The following PTPRN2 variants were observed in gnomAD, a reference collection of about 807,000 sequenced individuals.
The protein encoded by PTPRN2 is receptor-type tyrosine-protein phosphatase N2.
In PTPRN2, 74 loss-of-function variants were observed where a neutral mutation model predicts 118.8. That is an observed-to-expected ratio of 0.62 (90% confidence interval 0.52 to 0.76). The LOEUF (loss-of-function observed/expected upper bound fraction) is 0.76. Among genes scored for constraint, PTPRN2 ranks in the 30% least tolerant of loss-of-function variants. PTPRN2 has a pLI of 0.00. For missense variants in PTPRN2, 1,481 were observed against 1,394.4 expected (o/e 1.06, Z -0.99); for synonymous variants, 641 against 608.0 (o/e 1.05, Z -0.80).
chr7:157,925,976 T>G (rs1798961602), intron 11 of PTPRN2, among the ~76,000 whole-genome samples: 1 of 151,436 alleles, frequency 6.6e-6, no homozygotes, highest in South Asian at 2.1e-4. Flanking sequence ...TTTTATGGTT[T>G]TGTTATCATT....
Position 157,780,268 on chromosome 7 carries a change from C to G in PTPRN2, c.1789-97331G>C, listed in dbSNP as rs1271391359. 6.6e-6 allele frequency among the ~76,000 whole-genome samples: 1 copy of G among 152,198 alleles called. No homozygotes were observed. The highest frequency in any genetic ancestry group is 2.4e-5 in the African/African-American group (1 of 41,456). On this transcript the variant is annotated intron_variant, in intron 12 of 22. Coordinates refer to ENST00000389418, the MANE Select transcript of PTPRN2 (RefSeq NM_002847.5). This position sits in a 1 kb window ranked among gnomAD's most constrained non-coding sequence, Gnocchi z 4.5. The stretch of plus-strand genomic sequence containing the variant: ...TTGCTCGCTCCCCTTGCTCCTTACA[C>G]ACGGCCTTCCCACTCCCAGCTAACA...
chr7:157,998,746 T>C (rs909385719), intron 11 of PTPRN2, among the ~76,000 whole-genome samples: 2 of 143,644 alleles, frequency 1.4e-5, no homozygotes, highest in African/African-American at 2.6e-5. Flanking sequence ...TACTTGAATC[T>C]GGGAGGTGGA....
At chr7:157,614,216 C>T (rs2150612038) in intron 15 of PTPRN2, 2 of 430,070 alleles carry the variant, frequency 4.7e-6, no homozygotes, top group Non-Finnish European at 9.7e-6. Context: ...AGTCTGTGGC[C>T]CGTGGCAAGG....
At chr7:158,229,016 A>T in intron 3 of PTPRN2, among the ~76,000 whole-genome samples, 1 of 152,124 alleles carries the variant, frequency 6.6e-6, no homozygotes, top group East Asian at 1.9e-4. Flanking sequence ...AATGCTCCAC[A>T]GGTCCCCTCA....
At chr7:157,991,712 C>A (rs192570574) in intron 11 of PTPRN2, among the ~76,000 whole-genome samples, 1 of 152,204 alleles carries the variant, frequency 6.6e-6, no homozygotes, top group Non-Finnish European at 1.5e-5. Flanking sequence ...CTGTTCTCAG[C>A]AGATCCCAGC....
At chr7:158,419,662 G>C (rs541435016) in intron 2 of PTPRN2, among the ~76,000 whole-genome samples, 2 of 152,192 alleles carry the variant, frequency 1.3e-5, no homozygotes, top group Admixed American at 1.3e-4. Context: ...ATACCTGATG[G>C]AGGACTTGGA....
rs1470181648 is a variant in PTPRN2, at chr7:157,869,199, T to G, written c.1788+29474A>C. ...CAACTTTGCCAGGGTCCTAAGCGTG[T>G]GCTTAGGTACTTGCAGAGCCTCCCA... is the stretch of plus-strand genomic sequence containing the variant. On this transcript the variant is annotated intron_variant, in intron 12 of 22. Transcript: ENST00000389418. This position sits in a 1 kb window ranked among gnomAD's most constrained non-coding sequence, Gnocchi z 4.2. 1.3e-5 allele frequency: 2 copies of G among 152,166 alleles called. No homozygotes were observed. The highest frequency in any genetic ancestry group is 4.8e-5 in the African/African-American group (2 of 41,438). 9.4% of individuals were successfully genotyped at this position (152,166 alleles called of 1,614,324 possible). A position where few individuals can be genotyped will look rare whatever the true frequency, so the allele number is the denominator to read the frequency against.
At chr7:158,289,746 G>GTTT (rs1799986844) in intron 3 of PTPRN2, among the ~76,000 whole-genome samples, 1 of 152,150 alleles carries the variant, frequency 6.6e-6, no homozygotes, top group Non-Finnish European at 1.5e-5. Context: ...TGTTGTTGTT[G>GTTT]TTGTTGCCTT....
intron 14 of PTPRN2, among the ~76,000 whole-genome samples, chr7:157,646,246 G>C (rs1368382284): frequency 6.6e-6 from 1 of 152,194 alleles, no homozygotes; most frequent in Non-Finnish European, 1.5e-5. Context: ...CTGGGTCACA[G>C]GGTGGTTTCT....
At chr7:158,402,729 C>T (rs903529453) in intron 2 of PTPRN2, among the ~76,000 whole-genome samples, 6 of 152,166 alleles carry the variant, frequency 3.9e-5, no homozygotes, top group African/African-American at 1.4e-4. Flanking sequence ...GGACCCTGCG[C>T]CCGCCCTAGA....
chr7:158,390,785 T>G (rs1031883232), intron 2 of PTPRN2, among the ~76,000 whole-genome samples: 1 of 152,164 alleles, frequency 6.6e-6, no homozygotes, highest in Non-Finnish European at 1.5e-5. Flanking sequence ...CCCTTAACTG[T>G]CAGCTCCACT....
At chr7:157,829,079 G>A (rs562612247) in intron 12 of PTPRN2, among the ~76,000 whole-genome samples, 4 of 152,376 alleles carry the variant, frequency 2.6e-5, no homozygotes, top group Non-Finnish European at 5.9e-5. Context: ...ATGCCAGCGC[G>A]GGGCGCAGCC....
At chr7:157,982,879 C>T (rs1265840530) in intron 11 of PTPRN2, among the ~76,000 whole-genome samples, 1 of 144,700 alleles carries the variant, frequency 6.9e-6, no homozygotes, top group Admixed American at 6.9e-5. Context: ...GGGTTCCCCC[C>T]TAAACCCCGA....
intron 12 of PTPRN2, among the ~76,000 whole-genome samples, chr7:157,882,157 AC>A (rs932437504): frequency 5.9e-5 from 9 of 151,906 alleles, no homozygotes; most frequent in African/African-American, 2.2e-4. Context: ...AGAACATGCC[AC>A]CCCAAAAATG....
At chr7:158,026,515 T>C (rs756124202) in intron 11 of PTPRN2, among the ~76,000 whole-genome samples, 2 of 152,220 alleles carry the variant, frequency 1.3e-5, no homozygotes, top group Non-Finnish European at 2.9e-5. Flanking sequence ...AAATTATTCT[T>C]TTTACTCAAA....
At chr7:157,758,563 T>C (rs541193203) in intron 12 of PTPRN2, among the ~76,000 whole-genome samples, 3 of 152,342 alleles carry the variant, frequency 2.0e-5, no homozygotes, top group Non-Finnish European at 2.9e-5. Context: ...TGGCAGCTGC[T>C]GTGCTGGGAA....
At chr7:158,149,729 G>T (rs1006897659) in intron 6 of PTPRN2, among the ~76,000 whole-genome samples, 3 of 151,882 alleles carry the variant, frequency 2.0e-5, no homozygotes, top group Non-Finnish European at 4.4e-5. Flanking sequence ...GCTTGAACAT[G>T]GGAGACGGAG....
intron 10 of PTPRN2, among the ~76,000 whole-genome samples, chr7:158,086,172 A>G (rs572630445): frequency 4.6e-5 from 7 of 152,242 alleles, no homozygotes; most frequent in African/African-American, 1.7e-4. Context: ...CCAGGGGCCA[A>G]TTTTCAAACA....
intron 12 of PTPRN2, among the ~76,000 whole-genome samples, chr7:157,733,591 C>T (rs865920840): frequency 3.8e-4 from 3 of 7,928 alleles, no homozygotes; most frequent in Admixed American, 1.8e-3. Flanking sequence ...GTTACCCTTT[C>T]CCGTCCCATG....
Sources: gnomAD v4.1 joint callset for allele counts (sites outside exome capture counted in the v4.1 genomes callset) on GRCh38, gnomAD v4.1.1 for gene constraint, Gnocchi (gnomAD v3.1) non-coding constraint, MANE v1.5 for transcripts, NCBI Gene and HGNC (gene_info 2026-07-23, HGNC 2026-07-21) for gene names.